IL19: variants seen among roughly 807,000 people sequenced by gnomAD.
IL19 encodes interleukin 19.
Under a neutral mutation model 19.5 loss-of-function variants are expected in IL19, and 15 were observed. The ratio of observed to expected loss-of-function variants is 0.77; its 90% CI spans 0.52 to 1.19. IL19 has a LOEUF of 1.19. IL19 is among the 50% of genes most tolerant of loss of function. IL19 has a pLI of 0.00. For missense variants in IL19, 199 were observed against 213.1 expected, an observed-to-expected ratio of 0.93 and a Z score of 0.41; for synonymous variants, 78 against 78.3, an observed-to-expected ratio of 1.00 and a Z score of 0.02.
intron 5 of IL19, 69 bp from the exon 6 acceptor site, chr1:206,840,935 G>A: frequency 8.0e-7 from 1 of 1,248,962 alleles, no homozygotes. Flanking sequence ...TCTCATGTGG[G>A]GAGGCAGGAG....
chr1:206,771,028 A>G lies in IL19; in HGVS notation c.-199A>G. The G allele has an allele frequency of 6.2e-7, 1 of 1,614,168 alleles. No individual in the cohort carries two copies. Among genetic ancestry groups the G allele is most frequent in the Non-Finnish European group, 8.5e-7 (1 of 1,180,016 alleles). On this transcript the variant is annotated 5_prime_UTR_variant, in exon 1 of 7. Transcript: ENST00000659997. ...CACCTCCTCCAGGTAAAACTGGATC[A>G]TCTCAGACAAGGCTTGGCAACCCAG... is the stretch of plus-strand genomic sequence containing the variant.
chr1:206,809,730 A>C (rs1369763128), intron 2 of IL19, among the ~76,000 whole-genome samples: 1 of 152,190 alleles, frequency 6.6e-6, no homozygotes, highest in African/African-American at 2.4e-5. Context: ...TGCTTCAAAC[A>C]AGAAATATAG....
At chr1:206,831,560 G>A (rs906104960) in intron 2 of IL19, among the ~76,000 whole-genome samples, 1 of 152,174 alleles carries the variant, frequency 6.6e-6, no homozygotes, top group African/African-American at 2.4e-5. Context: ...TGATTTAGGA[G>A]CTCTAAAGGG....
intron 1 of IL19, among the ~76,000 whole-genome samples, chr1:206,781,947 TTATATATAC>T (rs1675150966): frequency 3.1e-5 from 3 of 95,474 alleles, no homozygotes; most frequent in Non-Finnish European, 6.4e-5. Context: ...ATGTATATAG[TTATATATAC>T]ATATATATGT....
chr1:206,820,699 A>G (rs1201744172), intron 2 of IL19, among the ~76,000 whole-genome samples: 1 of 152,252 alleles, frequency 6.6e-6, no homozygotes, highest in African/African-American at 2.4e-5. Context: ...CCTCTACTTT[A>G]CTGTGGCATT....
chr1:206,823,234 T>C (rs1427046199), intron 2 of IL19, among the ~76,000 whole-genome samples: 2 of 152,094 alleles, frequency 1.3e-5, no homozygotes, highest in African/African-American at 2.4e-5. Flanking sequence ...CTAAACATTT[T>C]TTTTCTAGGT....
chr1:206,822,059 C>T (rs914246874), intron 2 of IL19, among the ~76,000 whole-genome samples: 4 of 152,134 alleles, frequency 2.6e-5, no homozygotes, highest in South Asian at 2.1e-4. Context: ...GCAGTTTTAG[C>T]CTGAACTGTG....
chr1:206,832,032 G>A (rs1045234663), intron 2 of IL19, among the ~76,000 whole-genome samples: 1 of 152,200 alleles, frequency 6.6e-6, no homozygotes, highest in Non-Finnish European at 1.5e-5. Context: ...ATGTGCAGAG[G>A]GACTCCGAGC....
At chr1:206,796,521 T>C (rs1476393005) in intron 1 of IL19, among the ~76,000 whole-genome samples, 1 of 152,226 alleles carries the variant, frequency 6.6e-6, no homozygotes, top group Non-Finnish European at 1.5e-5. Flanking sequence ...ATGGTGTCTG[T>C]CAATAATGGA....
intron 1 of IL19, chr1:206,771,470 G>A (rs887254534): frequency 7.0e-7 from 1 of 1,438,312 alleles, no homozygotes; most frequent in African/African-American, 1.4e-5. Context: ...TAACTGAAAT[G>A]CGGTCTTTTT....
At chr1:206,772,635 T>C in intron 1 of IL19, 1 of 593,528 alleles carries the variant, frequency 1.7e-6, no homozygotes, top group Non-Finnish European at 3.0e-6. Context: ...CTAATAAACT[T>C]AGTTTTCAAT....
chr1:206,789,006 A>G (rs1218486831), intron 1 of IL19, among the ~76,000 whole-genome samples: 2 of 152,222 alleles, frequency 1.3e-5, no homozygotes, highest in Non-Finnish European at 2.9e-5. Context: ...GATATAAAAG[A>G]TGGACAGTGT....
intron 1 of IL19, among the ~76,000 whole-genome samples, chr1:206,797,643 G>C (rs1378688225): frequency 6.6e-6 from 1 of 152,058 alleles, no homozygotes; most frequent in Non-Finnish European, 1.5e-5. Flanking sequence ...TTTTCTCAAG[G>C]ACATTTCCTG....
chr1:206,806,701 G>T (rs1282462502), intron 2 of IL19, among the ~76,000 whole-genome samples: 1 of 152,180 alleles, frequency 6.6e-6, no homozygotes, highest in Non-Finnish European at 1.5e-5. Flanking sequence ...TTCTACCTCT[G>T]AAATATATTA....
rs528493705 is a variant in IL19 at position 206,792,702 on chromosome 1, G to A, written c.-148-6159G>A. Among the ~76,000 whole-genome samples the A allele has an allele frequency of 3.9e-5, 6 of 152,228 alleles. No individual in the cohort carries two copies. In the South Asian group the frequency reaches 8.3e-4, roughly 21 times the overall value. On this transcript the variant is annotated intron_variant, in intron 1 of 6. Coordinates refer to ENST00000659997, the MANE Select transcript of IL19 (RefSeq NM_153758.5). ...GATCTCCTGACCTCATGATCCACCC[G>A]CCTCAGCCTCCTAAAGTGCTGGGAT...
intron 1 of IL19, among the ~76,000 whole-genome samples, chr1:206,779,526 T>A (rs1312394006): frequency 2.6e-5 from 4 of 152,166 alleles, no homozygotes; most frequent in Non-Finnish European, 5.9e-5. Context: ...GTCTCATCTC[T>A]CCTGGACTCC....
At chr1:206,792,919 A>G (rs1039761871) in intron 1 of IL19, among the ~76,000 whole-genome samples, 1 of 152,234 alleles carries the variant, frequency 6.6e-6, no homozygotes, top group African/African-American at 2.4e-5. Context: ...TAACAGAGCT[A>G]TGGGGAACTA....
At chr1:206,841,938 T>C (rs1195201615) in intron 6 of IL19, among the ~76,000 whole-genome samples, 1 of 152,178 alleles carries the variant, frequency 6.6e-6, no homozygotes, top group Non-Finnish European at 1.5e-5. Flanking sequence ...AGGATTCAAT[T>C]CCACGCTGGC....
chr1:206,805,214 AAC>A (rs1411989944), intron 2 of IL19, among the ~76,000 whole-genome samples: 1 of 152,194 alleles, frequency 6.6e-6, no homozygotes, highest in Non-Finnish European at 1.5e-5. Flanking sequence ...TAAGAGTGAA[AAC>A]ACATCTGTAC....
Sources: allele counts gnomAD v4.1 joint callset (sites outside exome capture counted in the v4.1 genomes callset), GRCh38; gene constraint gnomAD v4.1.1; transcripts MANE v1.5; gene names NCBI Gene and HGNC (gene_info 2026-07-23, HGNC 2026-07-21).